Variants in MGAT4A observed in about 807,000 individuals in gnomAD.
The protein encoded by MGAT4A is alpha-1,3-mannosyl-glycoprotein 4-beta-N-acetylglucosaminyltransferase A, also known as N-acetylglucosaminyltransferase IVa.
In MGAT4A, 33 loss-of-function variants were observed where a neutral mutation model predicts 74.1. That is an observed-to-expected ratio of 0.45 (90% CI 0.34 to 0.60). The LOEUF (loss-of-function observed/expected upper bound fraction) is 0.60. MGAT4A is among the 20% of genes least tolerant of loss of function. MGAT4A has a pLI of 0.02. For synonymous variants in MGAT4A, 198 were observed against 210.4 expected, an observed-to-expected ratio of 0.94 and a Z score of 0.51; for missense variants, 479 against 628.3, an observed-to-expected ratio of 0.76 and a Z score of 2.54.
intron 2 of MGAT4A, among the ~76,000 whole-genome samples, chr2:98,710,901 C>T (rs79868086): frequency 0.057 from 8,673 of 151,998 alleles, 343 homozygotes; most frequent in Non-Finnish European, 0.087. Context: ...AAGTTCTGTG[C>T]AAACCCACAG....
At chr2:98,689,530 T>G (rs1702167991) in intron 2 of MGAT4A, among the ~76,000 whole-genome samples, 1 of 152,136 alleles carries the variant, frequency 6.6e-6, no homozygotes, top group African/African-American at 2.4e-5. Flanking sequence ...ACCCAGATAT[T>G]ATAAATAAGA....
At chr2:98,660,430 A>ACG (rs1455350322) in intron 5 of MGAT4A, among the ~76,000 whole-genome samples, 1 of 49,544 alleles carries the variant, frequency 2.0e-5, no homozygotes, top group Non-Finnish European at 4.0e-5. Context: ...ACACACACAC[A>ACG]CACACACACA....
At chr2:98,630,272 G>C (rs80141718) in intron 14 of MGAT4A, among the ~76,000 whole-genome samples, 2 of 152,112 alleles carry the variant, frequency 1.3e-5, no homozygotes, top group African/African-American at 4.8e-5. Flanking sequence ...AGAATGAGTC[G>C]TAAACACACA....
chr2:98,730,481 A>C (rs376954356), intron 1 of MGAT4A, among the ~76,000 whole-genome samples: 1 of 152,160 alleles, frequency 6.6e-6, no homozygotes, highest in Non-Finnish European at 1.5e-5. Flanking sequence ...TTCCCTGCGA[A>C]GGCTGCACGG....
At position 98,621,216 on chromosome 2, in the gene MGAT4A, T is replaced by G. The variant is rs1288130306; in HGVS notation, c.*4350A>C. 1.4e-5 allele frequency: 8 copies of G among 580,940 alleles called. No individual in the cohort carries two copies. The Admixed American group carries it at 3.0e-4, about 22-fold the overall frequency. The allele number at this position is 580,940 out of a possible 1,614,324, so 36.0% of individuals were successfully genotyped here. ...AGCAGGCTTAAGTGAGTTCTCGGCT[T>G]AGGGTCTCACAAGGCTGGATTCAAA... On this transcript the variant is annotated 3_prime_UTR_variant, in exon 16 of 16. Transcript: ENST00000393487.
At chr2:98,666,248 C>T (rs1008666796) in intron 4 of MGAT4A, among the ~76,000 whole-genome samples, 2 of 152,094 alleles carry the variant, frequency 1.3e-5, no homozygotes, top group Admixed American at 1.3e-4. Context: ...TCAAGGGTGA[C>T]TTGAGTAACT....
intron 2 of MGAT4A, among the ~76,000 whole-genome samples, chr2:98,721,076 T>G (rs899087166): frequency 6.6e-6 from 1 of 152,132 alleles, no homozygotes; most frequent in Non-Finnish European, 1.5e-5. Flanking sequence ...GGAACTTCCA[T>G]AAGATTAATA....
At chr2:98,655,659 CACTT>C (rs943389297) in intron 7 of MGAT4A, 139 bp from the exon 8 acceptor site, 6 of 552,250 alleles carry the variant, frequency 1.1e-5, no homozygotes, top group Non-Finnish European at 1.9e-5. Context: ...CACACACACT[CACTT>C]AGGACGAAGA....
chr2:98,678,471 T>C lies in MGAT4A; in HGVS notation c.95A>G (p.Glu32Gly). The change falls in exon 3 of 16, where the codon GAA becomes GGA. Residue 32 changes from glutamate (E) to glycine (G), a missense_variant and splice_region_variant. Glu to Gly is a moderately conservative substitution (Grantham distance 98, BLOSUM62 -2). Transcript: ENST00000393487. Reference protein sequence around the residue: ...SWYTTWQNGKEKLIAYQREFL... With the variant: ...SWYTTWQNGKGKLIAYQREFL... ...TTCTCGTTGATAAGCAATCAGTTTT[T>C]CTAGAAGCAAAACCAAAACAGTTAT... 1 of 1,565,936 alleles carries C rather than the reference T, an allele frequency of 6.4e-7. No homozygotes were observed. Among genetic ancestry groups the C allele is most frequent in the Non-Finnish European group, 8.7e-7 (1 of 1,149,078 alleles).
intron 12 of MGAT4A, among the ~76,000 whole-genome samples, chr2:98,638,636 C>T: frequency 6.6e-6 from 1 of 152,200 alleles, no homozygotes; most frequent in East Asian, 1.9e-4. Context: ...AACAGCAAAA[C>T]AAATAAATGC....
chr2:98,715,941 C>G (rs1193468742), intron 2 of MGAT4A, among the ~76,000 whole-genome samples: 1 of 152,170 alleles, frequency 6.6e-6, no homozygotes, highest in African/African-American at 2.4e-5. Flanking sequence ...GCCTGTCAGA[C>G]ACCACTTCAA....
At position 98,639,853 on chromosome 2, in the gene MGAT4A, C is replaced by T; in HGVS notation, c.1277G>A (p.Gly426Glu). 1 of 1,614,032 alleles carries T rather than the reference C, an allele frequency of 6.2e-7. No homozygotes were observed. Among genetic ancestry groups the T allele is most frequent in the Non-Finnish European group, 8.5e-7 (1 of 1,179,950 alleles). The stretch of plus-strand genomic sequence containing the variant: ...ATCAAATTTAAACAAGATGTAGTCT[C>T]CAGCTATCGGTGTGATAGCCCAGAA... ...DFFWAITPIA[G>E]DYILFKFDKP... The change falls in exon 12 of 16, where the codon GGA (glycine) becomes GAA (glutamate). Residue 426 changes from glycine (G) to glutamate (E), a missense_variant. Coordinates refer to ENST00000393487, the MANE Select transcript of MGAT4A (RefSeq NM_012214.3).
chr2:98,685,532 G>GA (rs528569858), intron 2 of MGAT4A, among the ~76,000 whole-genome samples: 239 of 150,050 alleles, frequency 1.6e-3, no homozygotes, highest in African/African-American at 5.4e-3. Context: ...TAAGCATAAA[G>GA]AAAAAAAAAT....
chr2:98,631,360 T>A (rs775116060), intron 14 of MGAT4A, among the ~76,000 whole-genome samples: 2 of 152,228 alleles, frequency 1.3e-5, no homozygotes. Context: ...GAGAAGGTCA[T>A]GAGCCCTGGC....
chr2:98,726,269 A>C lies in MGAT4A; in HGVS notation c.64T>G (p.Ser22Ala). ...CCATTTTGCCATGTAGTATACCAAG[A>C]CAAAGTAAGGAAGGAAGTGATAAAT... ...LAFITSFLTL[S>A]WYTTWQNGKE... Residue 22 changes from serine to alanine, a missense_variant, in exon 2 of 16, where the codon TCT (serine) becomes GCT (alanine). Physicochemically the swap from Ser to Ala is moderately conservative, Grantham distance 99. This residue lies in a region of MGAT4A where 205 missense variants were observed against 232.7 expected (regional missense o/e 0.88). Transcript: ENST00000393487. 6.2e-7 allele frequency: 1 copy of C among 1,614,076 alleles called. No individual in the cohort carries two copies. The highest frequency in any genetic ancestry group is 8.5e-7 in the Non-Finnish European group (1 of 1,179,930).
intron 3 of MGAT4A, among the ~76,000 whole-genome samples, chr2:98,677,539 G>A (rs572406022): frequency 2.2e-4 from 33 of 152,074 alleles, no homozygotes; most frequent in African/African-American, 7.0e-4. Context: ...TACAACCTCC[G>A]CCTCAAGAGT....
rs542401628 is a variant in MGAT4A, at chr2:98,670,110, T to C, written c.403+4925A>G. Among the ~76,000 whole-genome samples the C allele has an allele frequency of 2.0e-5, 3 of 152,278 alleles. No homozygotes were observed. In the South Asian group the frequency reaches 6.2e-4, roughly 32 times the overall value. ...CTTCTACCATTTACAATCCAGAAAA[T>C]GTAAGTATTCTACTGAGTTAGAGTT... On this transcript the variant is annotated intron_variant, in intron 4 of 15. Transcript: ENST00000393487.
chr2:98,728,890 A>C (rs1407790939), intron 1 of MGAT4A, among the ~76,000 whole-genome samples: 1 of 152,218 alleles, frequency 6.6e-6, no homozygotes, highest in Non-Finnish European at 1.5e-5. Flanking sequence ...GCATTATATT[A>C]AAATACTTAT....
At chr2:98,633,822 T>G (rs986934752) in intron 14 of MGAT4A, among the ~76,000 whole-genome samples, 1 of 152,210 alleles carries the variant, frequency 6.6e-6, no homozygotes, top group African/African-American at 2.4e-5. Context: ...TGACAGGTAA[T>G]GGGGTAATAA....
Sources: allele counts gnomAD v4.1 joint callset (sites outside exome capture counted in the v4.1 genomes callset), GRCh38; gene constraint gnomAD v4.1.1; regional missense constraint gnomAD v4.1.1; transcripts MANE v1.5; gene names NCBI Gene and HGNC (gene_info 2026-07-23, HGNC 2026-07-21).